NF1: variants seen among roughly 807,000 people sequenced by gnomAD.
NF1 encodes the protein neurofibromin.
NF1 carries 122 observed loss-of-function variants against 325.7 expected under a neutral mutation model. The observed-to-expected ratio is 0.37, with a 90% CI of 0.32 to 0.44. NF1 has a LOEUF of 0.44. Ranked by LOEUF, NF1 falls within the 20% of genes least tolerant of loss-of-function variation. The pLI is 1.00. For synonymous variants in NF1, 1,091 were observed against 1,186.0 expected (o/e 0.92, Z 1.65); for missense variants, 2,140 against 3,415.4 (o/e 0.63, Z 9.31).
chr17:31,158,357 A>G (rs1374581070), intron 2 of NF1, among the ~76,000 whole-genome samples: 1 of 152,204 alleles, frequency 6.6e-6, no homozygotes, highest in East Asian at 1.9e-4. Flanking sequence ...AAAGAGATTT[A>G]CGGAAAGACA....
chr17:31,358,359 G>A, intron 54 of NF1, 121 bp from the exon 55 acceptor site: 1 of 984,542 alleles, frequency 1.0e-6, no homozygotes. Context: ...AAAGTAAAAA[G>A]CACTCATCTC....
intron 8 of NF1, among the ~76,000 whole-genome samples, chr17:31,188,165 C>G (rs2066275982): frequency 6.6e-6 from 1 of 152,164 alleles, no homozygotes; most frequent in Non-Finnish European, 1.5e-5. Flanking sequence ...AAACCACCAC[C>G]TGCTGAGGTG....
chr17:31,132,475 G>C (rs1224822207), intron 1 of NF1, among the ~76,000 whole-genome samples: 2 of 152,100 alleles, frequency 1.3e-5, no homozygotes, highest in Admixed American at 1.3e-4. Context: ...AGGAGGAGGA[G>C]GTTGCAGTGA....
intron 1 of NF1, among the ~76,000 whole-genome samples, chr17:31,145,927 C>T (rs1034986434): frequency 6.6e-6 from 1 of 152,098 alleles, no homozygotes; most frequent in African/African-American, 2.4e-5. Flanking sequence ...TACAAGTTAT[C>T]CATGTGGAGA....
chr17:31,162,978 G>A lies in NF1; in HGVS notation c.289-208G>A, dbSNP rs563422566. 1.4e-4 allele frequency among the ~76,000 whole-genome samples: 22 copies of A among 152,248 alleles called. No homozygotes were observed. The South Asian group carries it at 4.6e-3, about 32-fold the overall frequency. ...GGATTGAACTTTAATTGTGATTATGGGGTCAGAGATGGAACCATCCTCTTT... is the reference window on the plus strand; with the variant it reads ...GGATTGAACTTTAATTGTGATTATGAGGTCAGAGATGGAACCATCCTCTTT... On this transcript the variant is annotated intron_variant, in intron 3 of 57. Transcript: ENST00000358273.
chr17:31,365,561 A>G (rs1160033282), intron 57 of NF1, among the ~76,000 whole-genome samples: 2 of 151,940 alleles, frequency 1.3e-5, no homozygotes, highest in Non-Finnish European at 2.9e-5. Context: ...TATTTTTTTT[A>G]TTTTAAATAC....
Position 31,238,495 on chromosome 17 carries a change from G to A in NF1, c.3974+2474G>A, listed in dbSNP as rs1338874249. Among the ~76,000 whole-genome samples the A allele has an allele frequency of 1.3e-5, 2 of 152,162 alleles. 1 individual carries two copies. Among genetic ancestry groups the A allele is most frequent in the East Asian group, 3.8e-4 (2 of 5,200 alleles). On this transcript the variant is annotated intron_variant, in intron 29 of 57. Transcript: ENST00000358273. ...CACATCTGTAATCCCAGCACTTTGG[G>A]AGGCTGAGGTGGGCAGATCACGAAG...
chr17:31,308,633 T>C, intron 36 of NF1, among the ~76,000 whole-genome samples: 1 of 107,988 alleles, frequency 9.3e-6, no homozygotes, highest in Non-Finnish European at 2.4e-5. Context: ...CTCAAGGGTG[T>C]TCTTTTTTTT....
chr17:31,364,452 C>T (rs527598866), intron 57 of NF1, among the ~76,000 whole-genome samples: 1 of 152,302 alleles, frequency 6.6e-6, no homozygotes, highest in African/African-American at 2.4e-5. Context: ...GCTGTATTTT[C>T]TTTTGTCCAA....
In NF1 at chr17:31,232,760, G is replaced by A. The variant is rs112589561; in HGVS notation, c.3375G>A (p.Ala1125=). ...GCAGTGAAGTTGAAGATGAAAGTGC[G>A]CAAACAGGTGGCAGGAAACGTGGCA... The part of the protein sequence containing the change: ...NDCSEVEDES[A]QTGGRKRGMS... The change falls in exon 26 of 58, where the codon GCG becomes GCA. Residue 1125 remains alanine (A), a synonymous_variant. Coordinates refer to ENST00000358273, the MANE Select transcript of NF1 (RefSeq NM_001042492.3). 20 of 1,613,634 alleles carry A rather than the reference G, an allele frequency of 1.2e-5. No individual in the cohort carries two copies. Among genetic ancestry groups the A allele is most frequent in the Admixed American group, 5.0e-5 (3 of 59,972 alleles).
intron 7 of NF1, 21 bp from the exon 8 acceptor site, chr17:31,182,487 T>C (rs749153550): frequency 6.2e-7 from 1 of 1,612,870 alleles, no homozygotes; most frequent in South Asian, 1.1e-5. Flanking sequence ...AATAATGTCA[T>C]TTAATATATT....
intron 36 of NF1, among the ~76,000 whole-genome samples, chr17:31,300,367 A>G (rs1387029573): frequency 6.6e-6 from 1 of 152,070 alleles, no homozygotes; most frequent in African/African-American, 2.4e-5. Flanking sequence ...TATGTATGGT[A>G]TGTTCTTATC....
At chr17:31,291,363 TA>T (rs1347170135) in intron 36 of NF1, among the ~76,000 whole-genome samples, 1 of 152,230 alleles carries the variant, frequency 6.6e-6, no homozygotes, top group Non-Finnish European at 1.5e-5. Context: ...TGATGCTGCA[TA>T]TTTCATGTTA....
At chr17:31,197,293 G>A (rs2066451417) in intron 8 of NF1, among the ~76,000 whole-genome samples, 2 of 148,652 alleles carry the variant, frequency 1.3e-5, no homozygotes, top group African/African-American at 2.5e-5. Context: ...TGATCTGCCC[G>A]CCTCGACCTC....
intron 36 of NF1, among the ~76,000 whole-genome samples, chr17:31,307,271 G>A (rs938596009): frequency 4.0e-5 from 6 of 151,716 alleles, no homozygotes; most frequent in African/African-American, 1.5e-4. Flanking sequence ...TGCCTGCCTT[G>A]GCCTCCCAAA....
At position 31,336,445 on chromosome 17, in the gene NF1, C is replaced by T. The variant is rs2069671270; in HGVS notation, c.6119C>T (p.Ser2040Phe). The T allele has an allele frequency of 6.2e-7, 1 of 1,614,078 alleles. No individual in the cohort carries two copies. The highest frequency in any genetic ancestry group is 8.5e-7 in the Non-Finnish European group (1 of 1,180,020). Residue 2040 changes from serine (S) to phenylalanine (F), a missense_variant, in exon 41 of 58, where the codon TCT (serine) becomes TTT (phenylalanine). Physicochemically the swap from Ser to Phe is radical, Grantham distance 155. Around this residue, in one of 10 missense-constraint regions of NF1, gnomAD observed 180 missense variants for 435.1 expected, o/e 0.41. Transcript: ENST00000358273. The surrounding 1 kb of genome is among the most constrained non-coding windows in gnomAD (Gnocchi z 5.5). ...VMADTAVALA[S>F]GNVKLVSSKV... ...GCAGATACTGCTGTAGCTTTGGCTT[C>T]TGGAAATGTGAAATTGGTTTCAAGC... is the stretch of plus-strand genomic sequence containing the variant.
intron 12 of NF1, among the ~76,000 whole-genome samples, chr17:31,210,988 G>A (rs1439032996): frequency 6.6e-6 from 1 of 152,108 alleles, no homozygotes. Flanking sequence ...GCCAATAACA[G>A]ATATATGAAT....
chr17:31,305,685 TTAAAAATTTGAC>T lies in NF1; in HGVS notation c.4836-20133_4836-20122del, dbSNP rs1488132653. On this transcript the variant is annotated intron_variant, in intron 36 of 57. Transcript: ENST00000358273. ...ACAGTTAGGCGTCATTGGTGTCTAG[TTAAAAATTTGAC>T]TTTTCATTATGATTCCTGGCATAAA... The T allele has an allele frequency of 8.1e-6, 12 of 1,483,836 alleles. No individual in the cohort carries two copies. The East Asian group carries it at 2.7e-4, about 34-fold the overall frequency. 91.9% of individuals were successfully genotyped at this position (1,483,836 alleles called of 1,614,324 possible). A position where few individuals can be genotyped will look rare whatever the true frequency, so the allele number is the denominator to read the frequency against.
At chr17:31,160,866 G>A (rs1002121297) in intron 3 of NF1, among the ~76,000 whole-genome samples, 12 of 152,134 alleles carry the variant, frequency 7.9e-5, no homozygotes, top group African/African-American at 2.9e-4. Flanking sequence ...TAATAAGTGG[G>A]CCTAGTATAA....
Sources: gnomAD v4.1 joint callset for allele counts (sites outside exome capture counted in the v4.1 genomes callset) on GRCh38, gnomAD v4.1.1 for gene constraint, gnomAD v4.1.1 regional missense constraint, Gnocchi (gnomAD v3.1) non-coding constraint, MANE v1.5 for transcripts, NCBI Gene and HGNC (gene_info 2026-07-23, HGNC 2026-07-21) for gene names.